The following ANAPC10 variants were observed in gnomAD, a reference collection of about 807,000 sequenced individuals.
The protein encoded by ANAPC10 is anaphase promoting complex subunit 10, also known as anaphase-promoting complex subunit 10.
A neutral mutation model predicts 22.0 loss-of-function variants in ANAPC10; 12 were observed. The observed-to-expected ratio is 0.55, with a 90% CI of 0.35 to 0.88. The LOEUF (loss-of-function observed/expected upper bound fraction) is 0.88. ANAPC10 is among the 40% of genes least tolerant of loss of function. ANAPC10 has a pLI of 0.01. For missense variants in ANAPC10, 188 were observed against 220.9 expected, an observed-to-expected ratio of 0.85 and a Z score of 0.94; for synonymous variants, 65 against 69.5, an observed-to-expected ratio of 0.94 and a Z score of 0.32.
At chr4:145,034,750 A>AG (rs1280538689) in intron 4 of ANAPC10, among the ~76,000 whole-genome samples, 1 of 151,900 alleles carries the variant, frequency 6.6e-6, no homozygotes, top group African/African-American at 2.4e-5. Context: ...CAGGGAAGGA[A>AG]GGCAGGCTGG....
At chr4:145,000,547 A>C (rs566169908) in intron 4 of ANAPC10, among the ~76,000 whole-genome samples, 2 of 152,344 alleles carry the variant, frequency 1.3e-5, no homozygotes, top group East Asian at 3.9e-4. Flanking sequence ...GTCAGGAAAC[A>C]ACAGGTGCTG....
intron 4 of ANAPC10, among the ~76,000 whole-genome samples, chr4:145,032,805 T>C (rs759187271): frequency 3.3e-5 from 5 of 152,168 alleles, no homozygotes; most frequent in Admixed American, 1.3e-4. Flanking sequence ...TGGTGGCAGG[T>C]TGATTATATT....
chr4:144,999,672 T>G (rs1732203266), intron 4 of ANAPC10, among the ~76,000 whole-genome samples: 1 of 152,136 alleles, frequency 6.6e-6, no homozygotes, highest in South Asian at 2.1e-4. Context: ...AAGCTACCAA[T>G]GACTTTCTTC....
intron 4 of ANAPC10, chr4:144,999,153 C>T (rs543935535): frequency 2.2e-4 from 33 of 152,256 alleles, no homozygotes; most frequent in Admixed American, 2.0e-3. Flanking sequence ...AAGTCTAGGA[C>T]CAGATGGATT....
intron 4 of ANAPC10, among the ~76,000 whole-genome samples, chr4:144,999,872 A>C (rs1370427685): frequency 6.6e-6 from 1 of 152,220 alleles, no homozygotes; most frequent in Non-Finnish European, 1.5e-5. Context: ...CCAATGCAAC[A>C]GAACAGAGGC....
chr4:145,009,011 G>C lies in ANAPC10; in HGVS notation c.328-13408C>G, dbSNP rs1045015484. 5.3e-5 allele frequency among the ~76,000 whole-genome samples: 8 copies of C among 152,244 alleles called. No homozygotes were observed. The South Asian group carries it at 8.3e-4, about 16-fold the overall frequency. ...CAGAGTCTCAGGATACAAAATCAAT[G>C]TGTAAAAATCACAAGTATTCCTATA... is the stretch of plus-strand genomic sequence containing the variant. On this transcript the variant is annotated intron_variant, in intron 4 of 4. Transcript: ENST00000507656.
intron 4 of ANAPC10, among the ~76,000 whole-genome samples, chr4:145,058,877 A>T (rs1388683604): frequency 6.6e-6 from 1 of 152,200 alleles, no homozygotes; most frequent in African/African-American, 2.4e-5. Context: ...TTGCTTTTAG[A>T]GAAGGTTAGA....
Position 144,995,306 on chromosome 4 carries a change from C to T in ANAPC10, c.*67G>A. 4 of 993,724 alleles carry T rather than the reference C, an allele frequency of 4.0e-6. No individual in the cohort carries two copies. The highest frequency in any genetic ancestry group is 6.0e-6 in the Non-Finnish European group (4 of 661,670). The allele number at this position is 993,724 out of a possible 1,614,324, so 61.6% of individuals were successfully genotyped here. A position where few individuals can be genotyped will look rare whatever the true frequency, so the allele number is the denominator to read the frequency against. On this transcript the variant is annotated 3_prime_UTR_variant, in exon 5 of 5. Coordinates refer to ENST00000507656, the MANE Select transcript of ANAPC10 (RefSeq NM_001256706.2). ...ACGGATGCCTTGTTCAATAAAGGTACATGATATATTATTTAAATACAGGAT... is the reference window on the plus strand; with the variant it reads ...ACGGATGCCTTGTTCAATAAAGGTATATGATATATTATTTAAATACAGGAT...
At chr4:145,040,285 G>A (rs1739320746) in intron 4 of ANAPC10, among the ~76,000 whole-genome samples, 1 of 151,978 alleles carries the variant, frequency 6.6e-6, no homozygotes, top group Admixed American at 6.5e-5. Context: ...GAGTAGCTAG[G>A]ATACAGGCAT....
intron 4 of ANAPC10, among the ~76,000 whole-genome samples, chr4:145,025,258 CACTTTTAATTTCCTTCAGG>C (rs1736491136): frequency 6.6e-6 from 1 of 151,918 alleles, no homozygotes; most frequent in Non-Finnish European, 1.5e-5. Context: ...ACTAGAGTAG[CACTTTTAATTTCCTTCAGG>C]AACTTTTCCA....
At chr4:145,005,531 A>G (rs542916945) in intron 4 of ANAPC10, among the ~76,000 whole-genome samples, 49 of 152,022 alleles carry the variant, frequency 3.2e-4, no homozygotes, top group African/African-American at 1.2e-3. Flanking sequence ...TCGGTTCCCT[A>G]GTTCTTTTAG....
intron 4 of ANAPC10, among the ~76,000 whole-genome samples, chr4:145,001,588 T>C (rs910866570): frequency 3.9e-5 from 6 of 152,170 alleles, no homozygotes; most frequent in Non-Finnish European, 7.4e-5. Flanking sequence ...GGAGAAGTTA[T>C]GTAATGGGTC....
At chr4:145,091,685 T>C (rs1747706590) in intron 2 of ANAPC10, among the ~76,000 whole-genome samples, 1 of 152,200 alleles carries the variant, frequency 6.6e-6, no homozygotes, top group Non-Finnish European at 1.5e-5. Flanking sequence ...TGTAAAATAA[T>C]AATTTATATT....
intron 3 of ANAPC10, among the ~76,000 whole-genome samples, chr4:145,068,161 GA>G: frequency 6.6e-6 from 1 of 152,290 alleles, no homozygotes; most frequent in Middle Eastern, 3.4e-3. Flanking sequence ...AGAGGTAGAA[GA>G]AATAAATTTC....
intron 4 of ANAPC10, among the ~76,000 whole-genome samples, chr4:145,040,743 T>C (rs954783656): frequency 6.6e-5 from 10 of 152,112 alleles, no homozygotes; most frequent in African/African-American, 2.2e-4. Context: ...TATGTATGTA[T>C]GCCTAGAATA....
intron 4 of ANAPC10, among the ~76,000 whole-genome samples, chr4:145,045,081 C>G (rs184288368): frequency 1.8e-4 from 27 of 152,016 alleles, no homozygotes; most frequent in African/African-American, 5.8e-4. Flanking sequence ...AGCACTAATA[C>G]TCTCCAAAAG....
At chr4:145,086,433 T>A (rs1746909300) in intron 2 of ANAPC10, among the ~76,000 whole-genome samples, 1 of 152,230 alleles carries the variant, frequency 6.6e-6, no homozygotes, top group South Asian at 2.1e-4. Context: ...GGTTCTCTAA[T>A]GCAGTGGTTC....
chr4:145,054,818 G>T (rs1190227115), intron 4 of ANAPC10, among the ~76,000 whole-genome samples: 2 of 151,866 alleles, frequency 1.3e-5, no homozygotes, highest in African/African-American at 4.8e-5. Context: ...CAAGTTTATT[G>T]TTCTTTCTCC....
intron 3 of ANAPC10, among the ~76,000 whole-genome samples, chr4:145,080,171 G>A (rs908668330): frequency 1.0e-4 from 15 of 148,456 alleles, no homozygotes; most frequent in African/African-American, 3.5e-4. Flanking sequence ...ACAAAATAGG[G>A]AACAATAGAC....
Sources: allele counts gnomAD v4.1 joint callset (sites outside exome capture counted in the v4.1 genomes callset), GRCh38; gene constraint gnomAD v4.1.1; transcripts MANE v1.5; gene names NCBI Gene and HGNC (gene_info 2026-07-23, HGNC 2026-07-21).